ATP10D: variants seen among roughly 807,000 people sequenced by gnomAD.
ATP10D encodes the protein phospholipid-transporting ATPase VD.
In ATP10D, 89 loss-of-function variants were observed where a neutral mutation model predicts 144.8. That is an observed-to-expected ratio of 0.61 (90% confidence interval 0.52 to 0.73). The LOEUF (loss-of-function observed/expected upper bound fraction) is 0.73. Among genes scored for constraint, ATP10D ranks in the 30% least tolerant of loss-of-function variants. The probability of loss-of-function intolerance (pLI) is 0.00; values close to 1 mark genes in which losing one functional copy is unlikely to be tolerated. For missense variants in ATP10D, 1,603 were observed against 1,714.8 expected (o/e 0.93, Z 1.15); for synonymous variants, 571 against 615.1 (o/e 0.93, Z 1.06).
chr4:47,550,414 TAGAG>T (rs1013797323), intron 10 of ATP10D, among the ~76,000 whole-genome samples: 4 of 151,714 alleles, frequency 2.6e-5, no homozygotes, highest in Non-Finnish European at 5.9e-5. Flanking sequence ...TGAATTTAAA[TAGAG>T]GAGAGAGAGA....
At chr4:47,488,612 C>CAA (rs56859197) in intron 1 of ATP10D, among the ~76,000 whole-genome samples, 3 of 91,308 alleles carry the variant, frequency 3.3e-5, no homozygotes, top group African/African-American at 7.6e-5. Context: ...ATATAATAAG[C>CAA]AAAAAAAAAA....
At chr4:47,584,242 T>G (rs1277442649) in intron 21 of ATP10D, among the ~76,000 whole-genome samples, 1 of 152,180 alleles carries the variant, frequency 6.6e-6, no homozygotes, top group Non-Finnish European at 1.5e-5. Flanking sequence ...CACCATCTCA[T>G]TGCCACCTCC....
In ATP10D at chr4:47,560,952, A is replaced by G. The variant is rs138361998; in HGVS notation, c.2545A>G (p.Met849Val). 4.3e-6 allele frequency: 7 copies of G among 1,614,158 alleles called. No individual in the cohort carries two copies. In the East Asian group the frequency reaches 1.6e-4, roughly 36 times the overall value. The change falls in exon 14 of 23, where the codon ATG becomes GTG. Residue 849 changes from methionine (M) to valine (V), a missense_variant. Met to Val is a conservative substitution (Grantham distance 21, BLOSUM62 1). Coordinates refer to ENST00000273859, the MANE Select transcript of ATP10D (RefSeq NM_020453.4). ...LRTLCIAKKV[M>V]SDTEYAEWLR... ...TCTCTTTTAATTCTTCCCGTAGGTC[A>G]TGAGTGACACTGAATATGCAGAGTG...
rs778138622 is a variant in ATP10D at position 47,535,887 on chromosome 4, G to A, written c.884-15G>A. 6.2e-7 allele frequency: 1 copy of A among 1,606,856 alleles called. No homozygotes were observed. The highest frequency in any genetic ancestry group is 1.1e-5 in the South Asian group (1 of 89,206). On this transcript the variant is annotated splice_polypyrimidine_tract_variant and intron_variant, in intron 6 of 22. Coordinates refer to ENST00000273859, the MANE Select transcript of ATP10D (RefSeq NM_020453.4). ...TAATTTGTACATTTTCTATCATACT[G>A]CACATCCTTCATAGGCCATGAAACC...
chr4:47,588,532 G>A, intron 22 of ATP10D, among the ~76,000 whole-genome samples: 1 of 152,034 alleles, frequency 6.6e-6, no homozygotes, highest in East Asian at 1.9e-4. Flanking sequence ...AACAAAGTTT[G>A]TCTGGCTCCC....
chr4:47,591,275 C>T lies in ATP10D; in HGVS notation c.4175C>T (p.Ala1392Val), dbSNP rs35375547. The T allele has an allele frequency of 6.2e-7, 1 of 1,613,558 alleles. No homozygotes were observed. Among genetic ancestry groups the T allele is most frequent in the Admixed American group, 1.7e-5 (1 of 59,988 alleles). The change falls in exon 23 of 23, where the codon GCT (alanine) becomes GTT (valine). Residue 1392 changes from alanine (A) to valine (V), a missense_variant. Coordinates refer to ENST00000273859, the MANE Select transcript of ATP10D (RefSeq NM_020453.4). Reference protein sequence around the residue: ...VFAMKSASSCAIEQGNLSLCE... With the variant: ...VFAMKSASSCVIEQGNLSLCE... ...GCAATGAAGTCAGCAAGTTCCTGTG[C>T]TATTGAGCAAGGAAACTTATCTCTG...
chr4:47,536,100 T>C (rs900910344), intron 7 of ATP10D, 67 bp downstream of exon 7: 3 of 1,527,556 alleles, frequency 2.0e-6, no homozygotes, highest in Admixed American at 3.9e-5. Context: ...ATTTCAAAAT[T>C]ATATCTGTGA....
intron 5 of ATP10D, among the ~76,000 whole-genome samples, chr4:47,534,824 T>G (rs1167778260): frequency 1.3e-5 from 2 of 152,148 alleles, no homozygotes. Context: ...TGACTACCAT[T>G]GAAAATAATG....
At chr4:47,544,005 G>A (rs1407413171) in intron 9 of ATP10D, among the ~76,000 whole-genome samples, 2 of 151,600 alleles carry the variant, frequency 1.3e-5, no homozygotes, top group African/African-American at 4.9e-5. Context: ...GAAAAAACAT[G>A]GACTCATTGA....
chr4:47,563,814 G>A (rs1719449256), intron 15 of ATP10D, 49 bp downstream of exon 15: 4 of 1,434,806 alleles, frequency 2.8e-6, no homozygotes, highest in African/African-American at 1.4e-5. Context: ...CAAAGGCATT[G>A]GAACATTTGA....
rs115625605 is a variant in ATP10D at position 47,567,883 on chromosome 4, G to A, written c.2854-954G>A. Among the ~76,000 whole-genome samples, 727 of 152,296 alleles carry A rather than the reference G, an allele frequency of 4.8e-3. 4 individuals carry two copies. Among genetic ancestry groups the A allele is most frequent in the Non-Finnish European group, 6.0e-3 (408 of 68,012 alleles). On this transcript the variant is annotated intron_variant, in intron 15 of 22. Coordinates refer to ENST00000273859, the MANE Select transcript of ATP10D (RefSeq NM_020453.4). ...TGATAAAACAGCATTTAAAATCAAA[G>A]CAAACAAGCTTTGAGTGAGAGCTCT...
At chr4:47,533,474 T>C (rs1427878728) in intron 5 of ATP10D, among the ~76,000 whole-genome samples, 2 of 152,186 alleles carry the variant, frequency 1.3e-5, no homozygotes, top group Non-Finnish European at 2.9e-5. Flanking sequence ...GTATGAAACC[T>C]TATTTGAATA....
At chr4:47,491,532 T>A in intron 1 of ATP10D, 1 of 501,866 alleles carries the variant, frequency 2.0e-6, no homozygotes, top group South Asian at 2.1e-5. Flanking sequence ...AATGTCTGTA[T>A]CATATCACAG....
At chr4:47,490,949 A>C in intron 1 of ATP10D, 1 of 517,412 alleles carries the variant, frequency 1.9e-6, no homozygotes, top group Non-Finnish European at 3.6e-6. Context: ...TTTCAGTCAG[A>C]AGTCTTTTAT....
intron 3 of ATP10D, among the ~76,000 whole-genome samples, chr4:47,520,931 A>G (rs1423335957): frequency 2.0e-5 from 3 of 152,196 alleles, no homozygotes; most frequent in African/African-American, 7.2e-5. Context: ...CTTCCAATCA[A>G]CAATTTCACG....
chr4:47,494,189 C>G (rs1242965557), intron 1 of ATP10D, among the ~76,000 whole-genome samples: 1 of 152,070 alleles, frequency 6.6e-6, no homozygotes, highest in Non-Finnish European at 1.5e-5. Flanking sequence ...AACTTTTGTG[C>G]AAATGTTTCA....
intron 18 of ATP10D, among the ~76,000 whole-genome samples, chr4:47,574,456 A>G (rs944795672): frequency 6.6e-6 from 1 of 152,198 alleles, no homozygotes; most frequent in Non-Finnish European, 1.5e-5. Flanking sequence ...TTCTGAGACC[A>G]TGGTTCTTGG....
At chr4:47,526,223 T>A (rs946803960) in intron 5 of ATP10D, among the ~76,000 whole-genome samples, 1 of 152,244 alleles carries the variant, frequency 6.6e-6, no homozygotes, top group Non-Finnish European at 1.5e-5. Context: ...CCAGTGGGAC[T>A]TATTCCCCAA....
chr4:47,518,447 A>G (rs1215424025), intron 3 of ATP10D, among the ~76,000 whole-genome samples: 1 of 152,196 alleles, frequency 6.6e-6, no homozygotes, highest in Non-Finnish European at 1.5e-5. Flanking sequence ...ACATAATGAA[A>G]CTGTCTTGAA....
Sources: gnomAD v4.1 joint callset for allele counts (sites outside exome capture counted in the v4.1 genomes callset) on GRCh38, gnomAD v4.1.1 for gene constraint, MANE v1.5 for transcripts, NCBI Gene and HGNC (gene_info 2026-07-23, HGNC 2026-07-21) for gene names.